PIBF1: variants seen among roughly 807,000 people sequenced by gnomAD.
The protein encoded by PIBF1 is progesterone immunomodulatory binding factor 1.
PIBF1 carries 90 observed loss-of-function variants against 112.5 expected under a neutral mutation model. That is an observed-to-expected ratio of 0.80 (90% CI 0.67 to 0.95). The LOEUF (loss-of-function observed/expected upper bound fraction) is 0.95, where lower values mean the gene tolerates loss of function less well. Ranked by LOEUF, PIBF1 falls within the 40% of genes least tolerant of loss-of-function variation. The pLI is 0.00. For synonymous variants in PIBF1, 301 were observed against 288.6 expected (o/e 1.04, Z -0.44); for missense variants, 915 against 852.3 (o/e 1.07, Z -0.92).
Position 72,783,588 on chromosome 13 carries a change from G to T in PIBF1, c.119G>T (p.Arg40Leu). The T allele has an allele frequency of 6.2e-7, 1 of 1,614,026 alleles. No individual in the cohort carries two copies. The highest frequency in any genetic ancestry group is 8.5e-7 in the Non-Finnish European group (1 of 1,179,944). ...PTDDISSSEE[R>L]EGKVRITRQL... ...GATGATATTTCCTCATCAGAAGAGC[G>T]AGAGGGCAAAGTCAGAATCACCAGG... Residue 40 changes from arginine (R) to leucine (L), a missense_variant, in exon 2 of 18, where the codon CGA (arginine) becomes CTA (leucine). Transcript: ENST00000326291.
At chr13:72,869,796 A>AC (rs1024478387) in intron 10 of PIBF1, among the ~76,000 whole-genome samples, 1 of 151,158 alleles carries the variant, frequency 6.6e-6, no homozygotes, top group African/African-American at 2.4e-5. Context: ...TGGCTACTTA[A>AC]CCCCCCACCT....
At chr13:72,993,629 C>G (rs967739604) in intron 16 of PIBF1, among the ~76,000 whole-genome samples, 1 of 151,546 alleles carries the variant, frequency 6.6e-6, no homozygotes, top group African/African-American at 2.4e-5. Context: ...GCCTGTAGTC[C>G]CAGCTACTCG....
intron 13 of PIBF1, among the ~76,000 whole-genome samples, chr13:72,921,031 T>A (rs1257845176): frequency 6.6e-6 from 1 of 152,190 alleles, no homozygotes; most frequent in Non-Finnish European, 1.5e-5. Flanking sequence ...AATTAGATAT[T>A]TTAGGGTAGC....
intron 5 of PIBF1, among the ~76,000 whole-genome samples, chr13:72,808,775 A>G (rs1412990145): frequency 1.3e-5 from 2 of 152,124 alleles, no homozygotes; most frequent in Non-Finnish European, 2.9e-5. Flanking sequence ...AGATTTTCTC[A>G]TGCACCTTGA....
intron 5 of PIBF1, among the ~76,000 whole-genome samples, chr13:72,809,263 A>C (rs1265420072): frequency 1.3e-5 from 2 of 151,566 alleles, no homozygotes; most frequent in East Asian, 3.9e-4. Context: ...TATTTCATAT[A>C]AAATGCCTGC....
At chr13:72,949,792 TA>T (rs1294328655) in intron 14 of PIBF1, among the ~76,000 whole-genome samples, 1 of 151,928 alleles carries the variant, frequency 6.6e-6, no homozygotes, top group Non-Finnish European at 1.5e-5. Context: ...CTTTTTTTAT[TA>T]TTATTTTTTT....
chr13:72,963,601 G>A (rs1238297719), intron 14 of PIBF1, among the ~76,000 whole-genome samples: 1 of 151,900 alleles, frequency 6.6e-6, no homozygotes, highest in Non-Finnish European at 1.5e-5. Context: ...CTCAAAATAA[G>A]TAAGTAAGTA....
At chr13:72,829,972 TTC>T (rs1275031156) in intron 8 of PIBF1, among the ~76,000 whole-genome samples, 1 of 152,204 alleles carries the variant, frequency 6.6e-6, no homozygotes, top group Non-Finnish European at 1.5e-5. Context: ...TGGTTTGTAG[TTC>T]TCCTTGAAGA....
intron 14 of PIBF1, among the ~76,000 whole-genome samples, chr13:72,958,680 C>G (rs1460171900): frequency 6.6e-6 from 1 of 152,160 alleles, no homozygotes; most frequent in African/African-American, 2.4e-5. Flanking sequence ...ACCTGAGACA[C>G]AGAGTTTCAC....
chr13:72,902,171 G>A (rs151293264), intron 11 of PIBF1, among the ~76,000 whole-genome samples: 82 of 152,248 alleles, frequency 5.4e-4, no homozygotes, highest in African/African-American at 1.9e-3. Context: ...ACTGATATGT[G>A]GGAGCTATGC....
intron 9 of PIBF1, among the ~76,000 whole-genome samples, chr13:72,849,256 A>G (rs1197282529): frequency 1.3e-5 from 2 of 152,200 alleles, no homozygotes; most frequent in African/African-American, 4.8e-5. Flanking sequence ...TAAGGATGAC[A>G]TATTCAGATT....
chr13:72,846,344 C>T (rs2037879879), intron 9 of PIBF1, among the ~76,000 whole-genome samples: 1 of 152,142 alleles, frequency 6.6e-6, no homozygotes, highest in African/African-American at 2.4e-5. Flanking sequence ...CTCTATCTCA[C>T]GTATATTACC....
chr13:72,959,086 C>T lies in PIBF1; in HGVS notation c.1834-6188C>T, dbSNP rs117006472. Among the ~76,000 whole-genome samples, 1,086 of 152,142 alleles carry T rather than the reference C, an allele frequency of 7.1e-3. 7 individuals are homozygous for T. The highest frequency in any genetic ancestry group is 0.012 in the Non-Finnish European group (807 of 67,982). ...TGATCTCGGCTCACTGCAACCACCT[C>T]CTGGATTCAAGCAGCTCTTGTGCCT... is the stretch of plus-strand genomic sequence containing the variant. On this transcript the variant is annotated intron_variant, in intron 14 of 17. Transcript: ENST00000326291.
At chr13:72,862,010 G>T (rs1594075550) in intron 10 of PIBF1, among the ~76,000 whole-genome samples, 1 of 152,074 alleles carries the variant, frequency 6.6e-6, no homozygotes, top group East Asian at 1.9e-4. Flanking sequence ...AAAGAATAAA[G>T]TGATGAAAAC....
intron 16 of PIBF1, chr13:72,974,235 T>A (rs543890750): frequency 1.3e-5 from 2 of 152,294 alleles, no homozygotes; most frequent in African/African-American, 4.8e-5. Context: ...AGAATAAAAT[T>A]AACCTTTTTT....
At chr13:72,858,023 TTG>T (rs374331152) in intron 10 of PIBF1, among the ~76,000 whole-genome samples, 27,298 of 141,220 alleles carry the variant, frequency 0.19, 2,712 homozygotes, top group Non-Finnish European at 0.23. Context: ...CAAATGTACA[TTG>T]TGTGTGTGTG....
Position 73,016,027 on chromosome 13 carries a change from A to T in PIBF1, c.*108A>T. 2.2e-6 allele frequency: 1 copy of T among 453,906 alleles called. No individual in the cohort carries two copies. The highest frequency in any genetic ancestry group is 3.8e-6 in the Non-Finnish European group (1 of 260,566). 28.1% of individuals were successfully genotyped at this position (453,906 alleles called of 1,614,324 possible). On this transcript the variant is annotated 3_prime_UTR_variant, in exon 18 of 18. Transcript: ENST00000326291. The stretch of plus-strand genomic sequence containing the variant: ...TGTACTCAGCATTTTTTAAATAACA[A>T]TGTTTATTTGAACTAATATTAAATT...
At chr13:72,996,516 A>AT (rs2043678049) in intron 16 of PIBF1, among the ~76,000 whole-genome samples, 1 of 152,210 alleles carries the variant, frequency 6.6e-6, no homozygotes, top group African/African-American at 2.4e-5. Flanking sequence ...AGCCAGGTGC[A>AT]GTGGCTCATG....
intron 1 of PIBF1, among the ~76,000 whole-genome samples, chr13:72,783,116 G>C (rs574820072): frequency 1.8e-4 from 28 of 152,178 alleles, no homozygotes; most frequent in African/African-American, 6.7e-4. Context: ...AGCATGTGTT[G>C]GTTTTAGTGG....
Sources: allele counts gnomAD v4.1 joint callset (sites outside exome capture counted in the v4.1 genomes callset), GRCh38; gene constraint gnomAD v4.1.1; transcripts MANE v1.5; gene names NCBI Gene and HGNC (gene_info 2026-07-23, HGNC 2026-07-21).